The following PREP variants were observed in gnomAD, a reference collection of about 807,000 sequenced individuals.
The protein encoded by PREP is dJ355L5.1 (prolyl endopeptidase).
PREP carries 29 observed loss-of-function variants against 87.6 expected under a neutral mutation model. The ratio of observed to expected loss-of-function variants is 0.33; its 90% CI spans 0.25 to 0.45. The LOEUF (loss-of-function observed/expected upper bound fraction) is 0.45. Ranked by LOEUF, PREP falls within the 20% of genes least tolerant of loss-of-function variation. The probability of loss-of-function intolerance (pLI) is 1.00; values close to 1 mark genes in which losing one functional copy is unlikely to be tolerated. For missense variants in PREP, 695 were observed against 886.5 expected (o/e 0.78, Z 2.74); for synonymous variants, 337 against 328.6 (o/e 1.03, Z -0.28).
intron 7 of PREP, among the ~76,000 whole-genome samples, chr6:105,343,061 A>G (rs1210079364): frequency 1.3e-5 from 2 of 152,350 alleles, no homozygotes; most frequent in East Asian, 3.9e-4. Context: ...AAGAGCCTGC[A>G]TTGCCAAGAC....
chr6:105,348,054 C>G (rs1258408209), intron 7 of PREP, among the ~76,000 whole-genome samples: 1 of 152,112 alleles, frequency 6.6e-6, no homozygotes, highest in Admixed American at 6.5e-5. Flanking sequence ...TCATAGGAGT[C>G]AAGACTCAGC....
chr6:105,348,667 G>A (rs1236714337), intron 7 of PREP, among the ~76,000 whole-genome samples: 1 of 152,174 alleles, frequency 6.6e-6, no homozygotes, highest in Non-Finnish European at 1.5e-5. Context: ...GGACCATGAG[G>A]TCAGGAGATC....
chr6:105,373,782 C>T (rs1266354939), intron 4 of PREP, among the ~76,000 whole-genome samples: 1 of 152,200 alleles, frequency 6.6e-6, no homozygotes, highest in South Asian at 2.1e-4. Context: ...GCTTCCTAAC[C>T]TCTCCAGGTC....
chr6:105,282,828 C>T (rs747339485), intron 12 of PREP, among the ~76,000 whole-genome samples: 8 of 152,084 alleles, frequency 5.3e-5, no homozygotes, highest in South Asian at 2.1e-4. Flanking sequence ...AGAACTTAAA[C>T]GGGAAATGCC....
intron 2 of PREP, among the ~76,000 whole-genome samples, chr6:105,386,509 G>A (rs1372915163): frequency 1.3e-5 from 2 of 152,144 alleles, no homozygotes; most frequent in African/African-American, 4.8e-5. Context: ...GGATCTGGAA[G>A]AGTCCCAGAA....
At chr6:105,319,133 G>A (rs1176309894) in intron 10 of PREP, among the ~76,000 whole-genome samples, 2 of 152,132 alleles carry the variant, frequency 1.3e-5, no homozygotes, top group African/African-American at 4.8e-5. Context: ...AAAGCAAACC[G>A]CCTTAGGGAT....
intron 2 of PREP, among the ~76,000 whole-genome samples, chr6:105,377,737 T>C (rs961926811): frequency 6.6e-6 from 1 of 152,194 alleles, no homozygotes; most frequent in African/African-American, 2.4e-5. Flanking sequence ...GCTTACATGG[T>C]ACTAACTCAG....
chr6:105,307,649 G>A (rs888886289), intron 10 of PREP, among the ~76,000 whole-genome samples: 1 of 152,182 alleles, frequency 6.6e-6, no homozygotes, highest in Non-Finnish European at 1.5e-5. Context: ...GTCTTGCTCT[G>A]TTGCCCAGGC....
chr6:105,337,616 C>T (rs1771514497), intron 7 of PREP, among the ~76,000 whole-genome samples: 2 of 152,282 alleles, frequency 1.3e-5, no homozygotes, highest in African/African-American at 4.8e-5. Flanking sequence ...TTTCCTATCC[C>T]CCTTTTCCTC....
chr6:105,386,188 CT>C (rs1583101915), intron 2 of PREP, among the ~76,000 whole-genome samples: 1 of 152,170 alleles, frequency 6.6e-6, no homozygotes, highest in Non-Finnish European at 1.5e-5. Context: ...TCAATCCTGC[CT>C]TTCTACCTCT....
intron 13 of PREP, 151 bp from the exon 14 acceptor site, chr6:105,282,053 T>G (rs1476893550): frequency 1.1e-6 from 1 of 949,170 alleles, no homozygotes; most frequent in Non-Finnish European, 1.5e-6. Context: ...ACCTGCCCAA[T>G]AGCCCCAAAG....
intron 8 of PREP, among the ~76,000 whole-genome samples, chr6:105,329,476 A>G (rs900448416): frequency 1.3e-5 from 2 of 152,248 alleles, no homozygotes; most frequent in African/African-American, 4.8e-5. Flanking sequence ...TTAATCATTT[A>G]TCTAGTTCTC....
Position 105,293,375 on chromosome 6 carries a change from T to A in PREP, c.1318-4481A>T, listed in dbSNP as rs188579598. Among the ~76,000 whole-genome samples the A allele has an allele frequency of 4.6e-5, 7 of 152,278 alleles. No individual in the cohort carries two copies. In the East Asian group the frequency reaches 1.2e-3, roughly 25 times the overall value. On this transcript the variant is annotated intron_variant, in intron 10 of 14. Transcript: ENST00000652536. Reference sequence around the variant, plus strand: ...ACACATACAATATTTATCAATTAAGTTCACAGTCTTATACGGGTGTGGTCT... The same window carrying A: ...ACACATACAATATTTATCAATTAAGATCACAGTCTTATACGGGTGTGGTCT...
chr6:105,350,402 G>T (rs1771916976), intron 7 of PREP, among the ~76,000 whole-genome samples: 1 of 152,058 alleles, frequency 6.6e-6, no homozygotes, highest in South Asian at 2.1e-4. Context: ...TTTAGTGGCG[G>T]AGCTGAGAGT....
chr6:105,297,360 T>A (rs1309176988), intron 10 of PREP, among the ~76,000 whole-genome samples: 1 of 152,204 alleles, frequency 6.6e-6, no homozygotes, highest in Non-Finnish European at 1.5e-5. Context: ...AAACTATTAT[T>A]AGTAACATAT....
intron 7 of PREP, among the ~76,000 whole-genome samples, chr6:105,352,157 T>C (rs1236354384): frequency 6.6e-6 from 1 of 152,240 alleles, no homozygotes. Flanking sequence ...TTATTTATTT[T>C]GCATTAACTA....
intron 7 of PREP, among the ~76,000 whole-genome samples, chr6:105,342,883 A>T (rs1335623566): frequency 3.3e-5 from 5 of 152,364 alleles, no homozygotes; most frequent in Middle Eastern, 3.4e-3. Flanking sequence ...AAGAGGATAC[A>T]AACAAATGGA....
At chr6:105,279,863 A>AACTC (rs544038640) in intron 14 of PREP, among the ~76,000 whole-genome samples, 19 of 152,250 alleles carry the variant, frequency 1.2e-4, no homozygotes, top group Non-Finnish European at 1.2e-4. Flanking sequence ...GCCTTCAATT[A>AACTC]ACTCAGTATT....
rs779100440 is a variant in PREP, at chr6:105,278,478, A to G, written c.1839-40T>C. 2 of 1,572,390 alleles carry G rather than the reference A, an allele frequency of 1.3e-6. No homozygotes were observed. The highest frequency in any genetic ancestry group is 1.7e-6 in the Non-Finnish European group (2 of 1,151,092). Reference sequence around the variant, plus strand: ...CACCTTTGTGAGGCTGGAGAGCAACAGTAGAGTTTTATGGCACAGGGACCT... The same window carrying G: ...CACCTTTGTGAGGCTGGAGAGCAACGGTAGAGTTTTATGGCACAGGGACCT... On this transcript the variant is annotated intron_variant, in intron 14 of 14. Coordinates refer to ENST00000652536, the MANE Select transcript of PREP (RefSeq NM_002726.5). The surrounding 1 kb of genome is among the most constrained non-coding windows in gnomAD (Gnocchi z 4.2).
Sources: gnomAD v4.1 joint callset for allele counts (sites outside exome capture counted in the v4.1 genomes callset) on GRCh38, gnomAD v4.1.1 for gene constraint, Gnocchi (gnomAD v3.1) non-coding constraint, MANE v1.5 for transcripts, NCBI Gene and HGNC (gene_info 2026-07-23, HGNC 2026-07-21) for gene names.